Variants in LRP2 observed in about 807,000 individuals in gnomAD.
LRP2 encodes the protein LDL receptor related protein 2, also known as low-density lipoprotein receptor-related protein 2.
LRP2 carries 172 observed loss-of-function variants against 531.0 expected under a neutral mutation model. The ratio of observed to expected loss-of-function variants is 0.32; its 90% CI spans 0.29 to 0.37. LRP2 has a LOEUF of 0.37. LRP2 is among the 10% of genes least tolerant of loss of function. LRP2 has a pLI of 1.00. For synonymous variants in LRP2, 1,992 were observed against 2,027.6 expected, an observed-to-expected ratio of 0.98 and a Z score of 0.47; for missense variants, 5,167 against 5,868.3, an observed-to-expected ratio of 0.88 and a Z score of 3.90.
intron 9 of LRP2, 102 bp downstream of exon 9, chr2:169,288,924 A>G: frequency 1.3e-6 from 2 of 1,570,748 alleles, no homozygotes; most frequent in Non-Finnish European, 1.7e-6. Context: ...ATGACAGACC[A>G]TGACGACTCT....
intron 52 of LRP2, 126 bp downstream of exon 52, chr2:169,181,322 T>TC: frequency 2.3e-6 from 2 of 874,432 alleles, no homozygotes; most frequent in African/African-American, 1.6e-5. Flanking sequence ...AAGTGTGACT[T>TC]CCCCCGAATG....
intron 3 of LRP2, among the ~76,000 whole-genome samples, chr2:169,310,596 G>A (rs956407236): frequency 2.0e-5 from 3 of 152,174 alleles, no homozygotes; most frequent in Non-Finnish European, 2.9e-5. Flanking sequence ...TGCTGGATTG[G>A]GTTTGCCAGT....
intron 34 of LRP2, 72 bp from the exon 35 acceptor site, chr2:169,216,502 GTGTATTACT>G: frequency 2.1e-6 from 3 of 1,425,854 alleles, no homozygotes; most frequent in African/African-American, 2.8e-5. Flanking sequence ...AAATGACAAT[GTGTATTACT>G]TGTCCTCAAG....
intron 42 of LRP2, among the ~76,000 whole-genome samples, chr2:169,203,412 G>A (rs1688267135): frequency 6.6e-6 from 1 of 152,204 alleles, no homozygotes; most frequent in African/African-American, 2.4e-5. Flanking sequence ...AAGACATGAA[G>A]TAGGGCAGCC....
chr2:169,175,204 C>T lies in LRP2; in HGVS notation c.10757G>A (p.Arg3586His), dbSNP rs762352363. ...QNCPDGSDED[R>H]LLCENHHCDS... The stretch of plus-strand genomic sequence containing the variant: ...GCGACTCAACACACCACAAAGAAGA[C>T]GGTCTTCATCAGACCCATCAGGGCA... The change falls in exon 55 of 79, where the codon CGT becomes CAT. Residue 3586 changes from arginine to histidine, a missense_variant. Physicochemically the swap from Arg to His is conservative, Grantham distance 29. Around this residue, in one of 6 missense-constraint regions of LRP2, gnomAD observed 311 missense variants for 309.4 expected, o/e 1.01. Coordinates refer to ENST00000649046, the MANE Select transcript of LRP2 (RefSeq NM_004525.3). 51 of 1,613,954 alleles carry T rather than the reference C, an allele frequency of 3.2e-5. No individual in the cohort carries two copies. The highest frequency in any genetic ancestry group is 1.6e-4 in the South Asian group (15 of 91,084).
chr2:169,203,129 A>G (rs1208889193), intron 42 of LRP2, among the ~76,000 whole-genome samples, 170 bp from the exon 43 acceptor site: 1 of 152,200 alleles, frequency 6.6e-6, no homozygotes, highest in African/African-American at 2.4e-5. Context: ...TTTTCCATCA[A>G]GAAGAGCAAT....
At chr2:169,164,228 T>C (rs925399710) in intron 62 of LRP2, among the ~76,000 whole-genome samples, 5 of 152,170 alleles carry the variant, frequency 3.3e-5, no homozygotes, top group African/African-American at 1.2e-4. Context: ...CCAATACCTA[T>C]CAGGCACAGA....
At position 169,128,607 on chromosome 2, in the gene LRP2, T is replaced by TA. The variant is rs1685174552; in HGVS notation, c.*55dup. On this transcript the variant is annotated 3_prime_UTR_variant, in exon 79 of 79. Coordinates refer to ENST00000649046, the MANE Select transcript of LRP2 (RefSeq NM_004525.3). ...AATGTTAACTTTTTTCATCTGTTTG[T>TA]AAAAAATATATGTGCAAAAGTGTGT... 6.5e-6 allele frequency: 10 copies of TA among 1,545,150 alleles called. No individual in the cohort carries two copies. The Admixed American group carries it at 1.7e-4, about 26-fold the overall frequency.
chr2:169,202,292 G>A (rs1161829843), intron 43 of LRP2, among the ~76,000 whole-genome samples: 1 of 152,136 alleles, frequency 6.6e-6, no homozygotes, highest in Non-Finnish European at 1.5e-5. Flanking sequence ...TGGAAGCTGA[G>A]GATTGGAAGT....
intron 31 of LRP2, among the ~76,000 whole-genome samples, chr2:169,228,703 G>A (rs1284783166): frequency 6.6e-6 from 1 of 152,160 alleles, no homozygotes; most frequent in Non-Finnish European, 1.5e-5. Flanking sequence ...GATGTACTGA[G>A]AACGTTTACC....
intron 1 of LRP2, among the ~76,000 whole-genome samples, chr2:169,329,783 C>G (rs72880435): frequency 0.044 from 6,736 of 152,296 alleles, 206 homozygotes; most frequent in Non-Finnish European, 0.06. Context: ...CAAAGCAGGT[C>G]CGCTTGCATG....
intron 67 of LRP2, among the ~76,000 whole-genome samples, chr2:169,152,551 G>A (rs559827033): frequency 4.3e-4 from 65 of 152,142 alleles, no homozygotes; most frequent in African/African-American, 1.4e-3. Context: ...TCCAGATATT[G>A]ACCTGGGTGC....
chr2:169,311,364 G>A (rs1323564473), intron 3 of LRP2, among the ~76,000 whole-genome samples: 2 of 152,000 alleles, frequency 1.3e-5, no homozygotes, highest in Non-Finnish European at 1.5e-5. Context: ...CTCTACACAC[G>A]CTTTAAGTGT....
chr2:169,317,229 GTAT>G (rs1306671953), intron 3 of LRP2, among the ~76,000 whole-genome samples: 1 of 152,166 alleles, frequency 6.6e-6, no homozygotes, highest in Non-Finnish European at 1.5e-5. Flanking sequence ...CCTCTGTAAA[GTAT>G]TATTATTAGC....
At chr2:169,342,789 A>T (rs1685600267) in intron 1 of LRP2, among the ~76,000 whole-genome samples, 1 of 152,216 alleles carries the variant, frequency 6.6e-6, no homozygotes, top group African/African-American at 2.4e-5. Context: ...GATAAAAAAA[A>T]AGCTTGCAAT....
In LRP2 at chr2:169,206,375, C is replaced by T; in HGVS notation, c.7345G>A (p.Ala2449Thr). The change falls in exon 39 of 79, where the codon GCC becomes ACC. Residue 2449 changes from alanine to threonine, a missense_variant. Transcript: ENST00000649046. ...LASGVGQISY[A>T]TLSSGIHTPT... ...GTATGGATCCCTGAAGACAGGGTGG[C>T]ATAGGAAATCTGTCCAACTCCAGAG... 6.8e-6 allele frequency: 11 copies of T among 1,614,110 alleles called. No individual in the cohort carries two copies. The highest frequency in any genetic ancestry group is 1.3e-5 in the African/African-American group (1 of 75,048).
chr2:169,284,256 C>CTTTTTTTTTTTTTTTT (rs1216987363), intron 9 of LRP2, among the ~76,000 whole-genome samples: 69 of 96,642 alleles, frequency 7.1e-4, no homozygotes, highest in African/African-American at 1.3e-3. Context: ...TCTTTTTTTT[C>CTTTTTTTTTTTTTTTT]TTTTTTTTTT....
At chr2:169,285,850 A>G (rs1683842663) in intron 9 of LRP2, among the ~76,000 whole-genome samples, 1 of 152,206 alleles carries the variant, frequency 6.6e-6, no homozygotes, top group African/African-American at 2.4e-5. Context: ...TCGTGTCAGG[A>G]TTATTCAATG....
At chr2:169,179,707 C>T (rs964763532) in intron 52 of LRP2, among the ~76,000 whole-genome samples, 9 of 126,838 alleles carry the variant, frequency 7.1e-5, no homozygotes, top group East Asian at 4.0e-4. Context: ...GCAACAAGAG[C>T]GAATTTCCAT....
Sources: gnomAD v4.1 joint callset for allele counts (sites outside exome capture counted in the v4.1 genomes callset) on GRCh38, gnomAD v4.1.1 for gene constraint, gnomAD v4.1.1 regional missense constraint, MANE v1.5 for transcripts, NCBI Gene and HGNC (gene_info 2026-07-23, HGNC 2026-07-21) for gene names.